SNTG2: variants seen among roughly 807,000 people sequenced by gnomAD.
The protein encoded by SNTG2 is gamma-2-syntrophin.
In SNTG2, 74 loss-of-function variants were observed where a neutral mutation model predicts 70.9. The ratio of observed to expected loss-of-function variants is 1.04; its 90% confidence interval spans 0.86 to 1.27. The LOEUF (loss-of-function observed/expected upper bound fraction) is 1.27. Among genes scored for constraint, SNTG2 ranks in the 50% most tolerant of loss-of-function variants. The pLI is 0.00. For missense variants in SNTG2, 717 were observed against 690.7 expected, an observed-to-expected ratio of 1.04 and a Z score of -0.43; for synonymous variants, 278 against 273.8, an observed-to-expected ratio of 1.02 and a Z score of -0.15.
chr2:955,399 C>T (rs1049037167), intron 1 of SNTG2, among the ~76,000 whole-genome samples: 6 of 152,310 alleles, frequency 3.9e-5, no homozygotes, highest in South Asian at 4.1e-4. Flanking sequence ...TCCTAAATAT[C>T]GTGCTTATTG....
intron 4 of SNTG2, among the ~76,000 whole-genome samples, chr2:1,116,729 C>G (rs1357205929): frequency 0.011 from 478 of 44,280 alleles, no homozygotes; most frequent in Middle Eastern, 0.048. Flanking sequence ...CTGGTGTGTG[C>G]GTGCCCTGGT....
chr2:1,213,440 A>G (rs1674176180), intron 9 of SNTG2, among the ~76,000 whole-genome samples: 1 of 152,216 alleles, frequency 6.6e-6, no homozygotes, highest in South Asian at 2.1e-4. Context: ...ATAAAGACCA[A>G]AACACTTCAA....
At chr2:1,248,986 C>T (rs1677602119) in intron 12 of SNTG2, among the ~76,000 whole-genome samples, 1 of 152,218 alleles carries the variant, frequency 6.6e-6, no homozygotes, top group Non-Finnish European at 1.5e-5. Context: ...TATGTCCTGC[C>T]TTGGGATGCT....
At chr2:952,969 TAAG>T (rs1446847560) in intron 1 of SNTG2, among the ~76,000 whole-genome samples, 1 of 141,084 alleles carries the variant, frequency 7.1e-6, no homozygotes, top group Admixed American at 6.7e-5. Flanking sequence ...TCATTTCAGT[TAAG>T]AGAACTTGGT....
chr2:1,156,552 C>A (rs930762094), intron 6 of SNTG2, among the ~76,000 whole-genome samples: 4 of 152,318 alleles, frequency 2.6e-5, no homozygotes, highest in African/African-American at 7.2e-5. Context: ...TAGAGATTAA[C>A]CAGCCAGCAC....
At chr2:1,342,350 G>T (rs1418872847) in intron 16 of SNTG2, among the ~76,000 whole-genome samples, 1 of 102,014 alleles carries the variant, frequency 9.8e-6, no homozygotes, top group Non-Finnish European at 1.9e-5. Flanking sequence ...AGGAAGAGTG[G>T]ACTGGCACTT....
chr2:1,230,308 G>A (rs948962868), intron 9 of SNTG2, among the ~76,000 whole-genome samples: 13 of 152,202 alleles, frequency 8.5e-5, no homozygotes, highest in East Asian at 5.8e-4. Flanking sequence ...CAGATGGCGC[G>A]GGCAGCCAGG....
chr2:954,170 G>T (rs1049114073), intron 1 of SNTG2, among the ~76,000 whole-genome samples: 6 of 152,168 alleles, frequency 3.9e-5, no homozygotes, highest in African/African-American at 1.2e-4. Context: ...TGCGCTGCTG[G>T]GCATGGGGCG....
intron 8 of SNTG2, among the ~76,000 whole-genome samples, chr2:1,192,057 T>G (rs903312849): frequency 6.6e-6 from 1 of 152,160 alleles, no homozygotes; most frequent in African/African-American, 2.4e-5. Flanking sequence ...TATTAACATA[T>G]TTTTAGATAA....
rs1421377805 is a variant in SNTG2 at position 1,097,397 on chromosome 2, A to G, written c.211-799A>G. Among the ~76,000 whole-genome samples, 1 of 152,162 alleles carries G rather than the reference A, an allele frequency of 6.6e-6. No homozygotes were observed. The highest frequency in any genetic ancestry group is 2.4e-5 in the African/African-American group (1 of 41,422). On this transcript the variant is annotated intron_variant, in intron 2 of 16. Transcript: ENST00000308624. This position sits in a 1 kb window ranked among gnomAD's most constrained non-coding sequence, Gnocchi z 4.1. ...CATGTTTCCTCTTAGAACTCAAAGA[A>G]TGTCTGTCACTTCTGTTTTTCCTGT...
chr2:1,366,402 G>A (rs1661486055), intron 16 of SNTG2, among the ~76,000 whole-genome samples: 2 of 152,150 alleles, frequency 1.3e-5, no homozygotes, highest in African/African-American at 4.8e-5. Flanking sequence ...GGGGTTCACT[G>A]TGGACTTTTC....
At position 1,187,401 on chromosome 2, in the gene SNTG2, G is replaced by C. The variant is rs1288900688; in HGVS notation, c.591+14218G>C. On this transcript the variant is annotated intron_variant, in intron 8 of 16. Coordinates refer to ENST00000308624, the MANE Select transcript of SNTG2 (RefSeq NM_018968.4). ...ATCAGTTGAAGGCCTTAAAACAAAA[G>C]GGTGACCTCACCAAGCAAGAAGGGA... is the stretch of plus-strand genomic sequence containing the variant. Among the ~76,000 whole-genome samples the C allele has an allele frequency of 4.6e-5, 7 of 152,100 alleles. No individual in the cohort carries two copies. In the East Asian group the frequency reaches 1.4e-3, roughly 29 times the overall value.
intron 1 of SNTG2, among the ~76,000 whole-genome samples, chr2:972,506 A>G (rs958448256): frequency 2.6e-5 from 4 of 152,200 alleles, no homozygotes; most frequent in African/African-American, 9.6e-5. Flanking sequence ...GGAGTTACAG[A>G]TGATGTGTTA....
At chr2:1,169,368 C>A (rs1391067314) in intron 7 of SNTG2, among the ~76,000 whole-genome samples, 1 of 152,108 alleles carries the variant, frequency 6.6e-6, no homozygotes, top group African/African-American at 2.4e-5. Context: ...GGTGACTTCA[C>A]AGGCCGAGTG....
intron 6 of SNTG2, among the ~76,000 whole-genome samples, chr2:1,143,964 T>G (rs1668934799): frequency 1.3e-5 from 2 of 150,668 alleles, no homozygotes; most frequent in South Asian, 4.2e-4. Context: ...AACAGAAATT[T>G]ATTGCAATTC....
intron 16 of SNTG2, among the ~76,000 whole-genome samples, chr2:1,324,200 G>A (rs929519859): frequency 6.6e-6 from 1 of 152,206 alleles, no homozygotes; most frequent in East Asian, 1.9e-4. Flanking sequence ...CCCCAGTATG[G>A]CTGAGTTGGG....
At chr2:1,155,427 TACAC>T (rs1405983148) in intron 6 of SNTG2, among the ~76,000 whole-genome samples, 1 of 151,892 alleles carries the variant, frequency 6.6e-6, no homozygotes, top group African/African-American at 2.4e-5. Context: ...CACACACGTG[TACAC>T]ACACCACATA....
intron 14 of SNTG2, among the ~76,000 whole-genome samples, chr2:1,276,834 G>A (rs150327573): frequency 3.5e-4 from 54 of 152,340 alleles, no homozygotes; most frequent in African/African-American, 1.2e-3. Flanking sequence ...GTGACTCATG[G>A]GAGGACATCA....
intron 1 of SNTG2, among the ~76,000 whole-genome samples, chr2:1,058,634 G>C (rs1431486053): frequency 6.6e-6 from 1 of 152,208 alleles, no homozygotes; most frequent in Admixed American, 6.5e-5. Context: ...AACCCTGGTT[G>C]CTATTTCCAG....
Sources: allele counts gnomAD v4.1 joint callset (sites outside exome capture counted in the v4.1 genomes callset), GRCh38; gene constraint gnomAD v4.1.1; non-coding constraint Gnocchi (gnomAD v3.1); transcripts MANE v1.5; gene names NCBI Gene and HGNC (gene_info 2026-07-23, HGNC 2026-07-21).